The following LRMDA variants were observed in gnomAD, a reference collection of about 807,000 sequenced individuals.
LRMDA encodes the protein leucine-rich melanocyte differentiation-associated protein.
Under a neutral mutation model 29.8 loss-of-function variants are expected in LRMDA, and 18 were observed. That is an observed-to-expected ratio of 0.60 (90% CI 0.42 to 0.90). The LOEUF (loss-of-function observed/expected upper bound fraction) is 0.90, where lower values mean the gene tolerates loss of function less well. Among genes scored for constraint, LRMDA ranks in the 40% least tolerant of loss-of-function variants. The pLI, the probability that LRMDA is intolerant of heterozygous loss-of-function variation, is 0.00. For synonymous variants in LRMDA, 125 were observed against 109.4 expected, an observed-to-expected ratio of 1.14 and a Z score of -0.89; for missense variants, 273 against 273.9, an observed-to-expected ratio of 1.00 and a Z score of 0.02.
At chr10:75,792,944 C>T (rs1843593611) in intron 2 of LRMDA, among the ~76,000 whole-genome samples, 2 of 152,130 alleles carry the variant, frequency 1.3e-5, no homozygotes, top group Non-Finnish European at 2.9e-5. Context: ...GGTATGATAG[C>T]AGTGGTTGGG....
intron 2 of LRMDA, among the ~76,000 whole-genome samples, chr10:75,472,907 A>T (rs1844743118): frequency 1.3e-5 from 2 of 152,210 alleles, no homozygotes; most frequent in South Asian, 4.1e-4. Flanking sequence ...AGATCTTAGA[A>T]TTGAATGATC....
At chr10:75,748,939 A>G (rs894332948) in intron 2 of LRMDA, among the ~76,000 whole-genome samples, 1 of 152,230 alleles carries the variant, frequency 6.6e-6, no homozygotes, top group African/African-American at 2.4e-5. Context: ...ACAGAATTAT[A>G]CATACATACA....
rs956752551 is a variant in LRMDA, at chr10:75,576,206, G to A, written c.131+137712G>A. ...GAGGAGGGGCATCCACCATTGCTGA[G>A]GCTTGAATAGGTGGTTTTGCCCTCA... On this transcript the variant is annotated intron_variant, in intron 2 of 6. Coordinates refer to ENST00000611255, the MANE Select transcript of LRMDA (RefSeq NM_001305581.2). Among the ~76,000 whole-genome samples, 7 of 152,186 alleles carry A rather than the reference G, an allele frequency of 4.6e-5. No individual in the cohort carries two copies. The East Asian group carries it at 1.2e-3, about 25-fold the overall frequency.
At position 76,256,125 on chromosome 10, in the gene LRMDA, G is replaced by A. The variant is rs1852589066; in HGVS notation, c.517-68276G>A. Among the ~76,000 whole-genome samples the A allele has an allele frequency of 2.0e-5, 3 of 152,272 alleles. No individual in the cohort carries two copies. The Middle Eastern group carries it at 0.01, about 518-fold the overall frequency. ...ATTGGAAATAGGTTATTGTTTGTTG[G>A]CTTGTCTTGGTCCAGAGAACCATAA... On this transcript the variant is annotated intron_variant, in intron 5 of 6. Transcript: ENST00000611255.
intron 6 of LRMDA, among the ~76,000 whole-genome samples, chr10:76,473,947 C>G (rs1235313579): frequency 6.6e-6 from 1 of 151,470 alleles, no homozygotes; most frequent in Non-Finnish European, 1.5e-5. Flanking sequence ...ACTCTCTAGC[C>G]CCAATTTCAA....
Position 76,065,348 on chromosome 10 carries a change from A to G in LRMDA, c.516+6565A>G, listed in dbSNP as rs138530007. On this transcript the variant is annotated intron_variant, in intron 5 of 6. Transcript: ENST00000611255. Reference sequence around the variant, plus strand: ...TCTGGTGTGCTGGTGAAACCAAAATACACAATAGAAAGAAGGAAGGTGGTA... The same window carrying G: ...TCTGGTGTGCTGGTGAAACCAAAATGCACAATAGAAAGAAGGAAGGTGGTA... Among the ~76,000 whole-genome samples the G allele has an allele frequency of 7.5e-4, 115 of 152,350 alleles. No homozygotes were observed. The East Asian group carries it at 0.014, about 18-fold the overall frequency.
chr10:76,013,891 CA>C (rs1847829125), intron 2 of LRMDA, among the ~76,000 whole-genome samples: 1 of 151,430 alleles, frequency 6.6e-6, no homozygotes, highest in South Asian at 2.1e-4. Flanking sequence ...CAACTACAGA[CA>C]CCTGCAACTC....
At chr10:75,756,835 C>G (rs1843038259) in intron 2 of LRMDA, among the ~76,000 whole-genome samples, 1 of 152,152 alleles carries the variant, frequency 6.6e-6, no homozygotes, top group Admixed American at 6.5e-5. Flanking sequence ...TCAAATGATT[C>G]TAAAGACTCT....
At chr10:76,135,307 A>G (rs761591027) in intron 5 of LRMDA, among the ~76,000 whole-genome samples, 17 of 152,208 alleles carry the variant, frequency 1.1e-4, no homozygotes, top group Non-Finnish European at 2.5e-4. Flanking sequence ...AAGGGACAGC[A>G]CCAAATGGAG....
At chr10:76,083,759 G>A (rs1207421635) in intron 5 of LRMDA, among the ~76,000 whole-genome samples, 12 of 149,700 alleles carry the variant, frequency 8.0e-5, no homozygotes, top group African/African-American at 2.7e-4. Flanking sequence ...ACTTGAACCC[G>A]ACAGGCGAAG....
At chr10:76,031,107 G>A (rs1848140984) in intron 2 of LRMDA, among the ~76,000 whole-genome samples, 1 of 152,220 alleles carries the variant, frequency 6.6e-6, no homozygotes, top group Non-Finnish European at 1.5e-5. Flanking sequence ...GATGCTGGCT[G>A]GAGCAGGGTC....
intron 2 of LRMDA, among the ~76,000 whole-genome samples, chr10:75,972,606 G>A (rs963507501): frequency 4.6e-5 from 7 of 152,000 alleles, no homozygotes; most frequent in East Asian, 1.9e-4. Context: ...AGAGGCAGCC[G>A]TGACAGCTCT....
intron 2 of LRMDA, among the ~76,000 whole-genome samples, chr10:75,626,505 G>A (rs1205673294): frequency 6.6e-6 from 1 of 152,180 alleles, no homozygotes; most frequent in East Asian, 1.9e-4. Flanking sequence ...ACCTCAGGCT[G>A]GGGTGACAAG....
intron 2 of LRMDA, among the ~76,000 whole-genome samples, chr10:75,698,772 C>A (rs917363466): frequency 6.6e-6 from 1 of 151,176 alleles, no homozygotes; most frequent in Non-Finnish European, 1.5e-5. Flanking sequence ...AAAAGCAGAA[C>A]CTTTATAATG....
At chr10:76,320,773 G>A (rs971961090) in intron 5 of LRMDA, among the ~76,000 whole-genome samples, 2 of 152,166 alleles carry the variant, frequency 1.3e-5, no homozygotes, top group African/African-American at 4.8e-5. Flanking sequence ...CATATATACA[G>A]CTGAAGTTCC....
intron 2 of LRMDA, among the ~76,000 whole-genome samples, chr10:76,016,868 C>T (rs1847887972): frequency 1.3e-5 from 2 of 152,196 alleles, no homozygotes; most frequent in Non-Finnish European, 2.9e-5. Context: ...GCTCACACAG[C>T]TGCTTGGGAT....
chr10:76,191,204 C>T (rs374633321), intron 5 of LRMDA, among the ~76,000 whole-genome samples: 4 of 152,032 alleles, frequency 2.6e-5, no homozygotes, highest in African/African-American at 9.7e-5. Context: ...GCTGTAATGG[C>T]GGTAAGATGG....
intron 2 of LRMDA, among the ~76,000 whole-genome samples, chr10:75,846,034 C>T (rs552116171): frequency 2.6e-5 from 4 of 152,228 alleles, no homozygotes; most frequent in South Asian, 2.1e-4. Context: ...AAGGAATTCA[C>T]TCCTTAGGAT....
At chr10:75,759,711 A>G (rs1412705331) in intron 2 of LRMDA, among the ~76,000 whole-genome samples, 1 of 152,216 alleles carries the variant, frequency 6.6e-6, no homozygotes, top group East Asian at 1.9e-4. Context: ...TAAAGACAAG[A>G]AGTTTATGGC....
Sources: gnomAD v4.1 joint callset for allele counts (sites outside exome capture counted in the v4.1 genomes callset) on GRCh38, gnomAD v4.1.1 for gene constraint, MANE v1.5 for transcripts, NCBI Gene and HGNC (gene_info 2026-07-23, HGNC 2026-07-21) for gene names.